The following WNT7B variants were observed in gnomAD, a reference collection of about 807,000 sequenced individuals.
WNT7B encodes protein Wnt-7b.
A neutral mutation model predicts 38.2 loss-of-function variants in WNT7B; 19 were observed. The observed-to-expected ratio is 0.50, with a 90% confidence interval of 0.35 to 0.73. The LOEUF (loss-of-function observed/expected upper bound fraction) is 0.73, where lower values mean the gene tolerates loss of function less well. WNT7B is among the 30% of genes least tolerant of loss of function. The probability of loss-of-function intolerance (pLI) is 0.01; values close to 1 mark genes in which losing one functional copy is unlikely to be tolerated. For synonymous variants in WNT7B, 243 were observed against 209.3 expected, an observed-to-expected ratio of 1.16 and a Z score of -1.39; for missense variants, 423 against 507.9, an observed-to-expected ratio of 0.83 and a Z score of 1.61.
intron 3 of WNT7B, among the ~76,000 whole-genome samples, chr22:45,924,869 G>A (rs915326388): frequency 1.3e-5 from 2 of 150,944 alleles, no homozygotes; most frequent in African/African-American, 4.9e-5. Flanking sequence ...GTGGGTGCTG[G>A]GTGGGCCCAA....
Sources: gnomAD v4.1 joint callset for allele counts (sites outside exome capture counted in the v4.1 genomes callset) on GRCh38, gnomAD v4.1.1 for gene constraint, MANE v1.5 for transcripts, NCBI Gene and HGNC (gene_info 2026-07-23, HGNC 2026-07-21) for gene names.